The following COX10 variants were observed in gnomAD, a reference collection of about 807,000 sequenced individuals.
COX10 encodes protoheme IX farnesyltransferase, mitochondrial.
Under a neutral mutation model 37.3 loss-of-function variants are expected in COX10, and 27 were observed. The observed-to-expected ratio is 0.72, with a 90% CI of 0.53 to 1.00. COX10 has a LOEUF of 1.00. COX10 is among the 50% of genes least tolerant of loss of function. COX10 has a pLI of 0.00. For missense variants in COX10, 475 were observed against 563.2 expected, an observed-to-expected ratio of 0.84 and a Z score of 1.59; for synonymous variants, 222 against 229.1, an observed-to-expected ratio of 0.97 and a Z score of 0.28.
At chr17:14,094,629 A>G (rs186647419) in intron 3 of COX10, among the ~76,000 whole-genome samples, 1 of 152,244 alleles carries the variant, frequency 6.6e-6, no homozygotes. Flanking sequence ...TGGAGGAGAC[A>G]GAGAGATAAC....
chr17:14,101,278 T>G (rs9901800), intron 3 of COX10, among the ~76,000 whole-genome samples: 19,552 of 152,234 alleles, frequency 0.13, 1,387 homozygotes, highest in South Asian at 0.17. Flanking sequence ...GAATTATCCA[T>G]GTACCTGTAA....
intron 5 of COX10, among the ~76,000 whole-genome samples, chr17:14,176,960 T>C (rs766006874): frequency 2.0e-5 from 3 of 151,734 alleles, no homozygotes; most frequent in Non-Finnish European, 2.9e-5. Flanking sequence ...AAATTTTCTA[T>C]AATTTTTTTT....
chr17:14,097,159 C>G (rs1043578744), intron 3 of COX10, among the ~76,000 whole-genome samples: 2 of 151,946 alleles, frequency 1.3e-5, no homozygotes, highest in African/African-American at 2.4e-5. Flanking sequence ...GTAATGAACC[C>G]CAGGAAATCA....
At chr17:14,162,585 C>T (rs925071741) in intron 5 of COX10, among the ~76,000 whole-genome samples, 73 of 149,910 alleles carry the variant, frequency 4.9e-4, no homozygotes, top group African/African-American at 1.8e-3. Context: ...ACATGTTTTA[C>T]GTTGGCTAAT....
chr17:14,162,947 C>T (rs1597529629), intron 5 of COX10, among the ~76,000 whole-genome samples: 4 of 152,154 alleles, frequency 2.6e-5, no homozygotes, highest in African/African-American at 9.7e-5. Flanking sequence ...CACTGAAATC[C>T]GAAAACCTCA....
intron 5 of COX10, among the ~76,000 whole-genome samples, chr17:14,190,703 C>T (rs1462919975): frequency 1.3e-5 from 2 of 152,172 alleles, no homozygotes; most frequent in Middle Eastern, 3.4e-3. Flanking sequence ...TGACTTCATT[C>T]CGTACTGTAG....
intron 4 of COX10, among the ~76,000 whole-genome samples, chr17:14,110,262 A>G (rs1034464733): frequency 6.6e-6 from 1 of 152,136 alleles, no homozygotes; most frequent in Non-Finnish European, 1.5e-5. Context: ...GTATATATTT[A>G]TGTCAAGTAT....
intron 6 of COX10, among the ~76,000 whole-genome samples, chr17:14,197,386 A>G (rs1906397427): frequency 1.3e-5 from 2 of 152,254 alleles, no homozygotes; most frequent in South Asian, 2.1e-4. Context: ...CTGCAAAGAC[A>G]TAAAACATAA....
chr17:14,110,012 AG>A (rs1014725070), intron 4 of COX10, among the ~76,000 whole-genome samples: 2 of 152,130 alleles, frequency 1.3e-5, no homozygotes, highest in Non-Finnish European at 1.5e-5. Flanking sequence ...CAGAAAAAAA[AG>A]AACTATTTTG....
chr17:14,114,590 G>A (rs947792020), intron 4 of COX10, among the ~76,000 whole-genome samples: 3 of 151,998 alleles, frequency 2.0e-5, no homozygotes, highest in East Asian at 1.9e-4. Flanking sequence ...AGTTGCCAGC[G>A]GGTGACATTA....
At chr17:14,085,941 A>G (rs932043804) in intron 3 of COX10, among the ~76,000 whole-genome samples, 2 of 152,180 alleles carry the variant, frequency 1.3e-5, no homozygotes, top group Admixed American at 1.3e-4. Context: ...TTTTGTACTT[A>G]ATTCTGATGA....
At chr17:14,181,093 G>A (rs1293129925) in intron 5 of COX10, among the ~76,000 whole-genome samples, 1 of 152,086 alleles carries the variant, frequency 6.6e-6, no homozygotes, top group Non-Finnish European at 1.5e-5. Context: ...AGGAAGGTGA[G>A]AACGGAGAGA....
At chr17:14,139,626 T>C (rs140175993) in intron 4 of COX10, among the ~76,000 whole-genome samples, 2,237 of 152,260 alleles carry the variant, frequency 0.015, 19 homozygotes, top group African/African-American at 0.029. Context: ...AAAAGTTGCA[T>C]AGTGATTGCG....
chr17:14,101,801 C>T (rs955716778), intron 3 of COX10, among the ~76,000 whole-genome samples: 3 of 152,228 alleles, frequency 2.0e-5, no homozygotes, highest in East Asian at 1.9e-4. Flanking sequence ...CCTGGCAGTG[C>T]GTACTGATTA....
At chr17:14,172,425 GTTTT>G (rs891776631) in intron 5 of COX10, among the ~76,000 whole-genome samples, 1 of 151,884 alleles carries the variant, frequency 6.6e-6, no homozygotes, top group Non-Finnish European at 1.5e-5. Flanking sequence ...CAACATCTTC[GTTTT>G]TTGTCTTTTT....
intron 4 of COX10, among the ~76,000 whole-genome samples, chr17:14,110,703 G>A (rs1308899195): frequency 6.6e-6 from 1 of 151,876 alleles, no homozygotes; most frequent in African/African-American, 2.4e-5. Flanking sequence ...CTAGTTCTCT[G>A]CTCTGAACCA....
intron 4 of COX10, among the ~76,000 whole-genome samples, chr17:14,107,152 A>C (rs967808380): frequency 2.0e-5 from 3 of 151,942 alleles, no homozygotes; most frequent in African/African-American, 7.3e-5. Context: ...GTCTTCAGAC[A>C]TCACCAAATG....
At chr17:14,181,592 A>G (rs1477806025) in intron 5 of COX10, among the ~76,000 whole-genome samples, 2 of 152,120 alleles carry the variant, frequency 1.3e-5, no homozygotes, top group Non-Finnish European at 2.9e-5. Context: ...GGTGCAGGTG[A>G]ACAAAGCTAT....
intron 5 of COX10, among the ~76,000 whole-genome samples, chr17:14,179,902 C>G (rs1470009820): frequency 1.3e-5 from 2 of 151,708 alleles, no homozygotes; most frequent in African/African-American, 4.8e-5. Flanking sequence ...AATTAAAACA[C>G]TTGGAATTGG....
Sources: gnomAD v4.1 joint callset for allele counts (sites outside exome capture counted in the v4.1 genomes callset) on GRCh38, gnomAD v4.1.1 for gene constraint, MANE v1.5 for transcripts, NCBI Gene and HGNC (gene_info 2026-07-23, HGNC 2026-07-21) for gene names.